SLC25A44: variants seen among roughly 807,000 people sequenced by gnomAD.
The protein encoded by SLC25A44 is solute carrier family 25, member 44.
Under a neutral mutation model 29.9 loss-of-function variants are expected in SLC25A44, and 17 were observed. The ratio of observed to expected loss-of-function variants is 0.57; its 90% CI spans 0.39 to 0.85. The LOEUF (loss-of-function observed/expected upper bound fraction) is 0.85. Ranked by LOEUF, SLC25A44 falls within the 40% of genes least tolerant of loss-of-function variation. The pLI is 0.00. For synonymous variants in SLC25A44, 140 were observed against 151.8 expected, an observed-to-expected ratio of 0.92 and a Z score of 0.57; for missense variants, 302 against 398.4, an observed-to-expected ratio of 0.76 and a Z score of 2.06.
At chr1:156,203,838 G>A (rs1656746515) in intron 2 of SLC25A44, among the ~76,000 whole-genome samples, 1 of 151,404 alleles carries the variant, frequency 6.6e-6, no homozygotes, top group African/African-American at 2.4e-5. Flanking sequence ...CGAGTAGCTG[G>A]GACTACAGGT....
In SLC25A44 at chr1:156,194,233, C is replaced by T. The variant is rs1656069982; in HGVS notation, c.-28C>T. ...GTTCGCCTCAGACGCGGTGGAGCCGCCGGAGTCTGAGAAGGTAAGAAGCCG... is the reference window on the plus strand; with the variant it reads ...GTTCGCCTCAGACGCGGTGGAGCCGTCGGAGTCTGAGAAGGTAAGAAGCCG... On this transcript the variant is annotated 5_prime_UTR_variant, in exon 1 of 4. Coordinates refer to ENST00000359511, the MANE Select transcript of SLC25A44 (RefSeq NM_014655.4). 1 of 152,756 alleles carries T rather than the reference C, an allele frequency of 6.5e-6. No homozygotes were observed. The highest frequency in any genetic ancestry group is 2.4e-5 in the African/African-American group (1 of 41,428). 9.5% of individuals were successfully genotyped at this position (152,756 alleles called of 1,614,324 possible).
intron 2 of SLC25A44, among the ~76,000 whole-genome samples, chr1:156,201,849 C>T (rs1225642486): frequency 6.6e-6 from 1 of 152,126 alleles, no homozygotes; most frequent in Non-Finnish European, 1.5e-5. Context: ...TGTCTTTAGC[C>T]TTCTCTCCTC....
At chr1:156,202,403 C>T (rs1289604698) in intron 2 of SLC25A44, among the ~76,000 whole-genome samples, 2 of 152,224 alleles carry the variant, frequency 1.3e-5, no homozygotes, top group Non-Finnish European at 2.9e-5. Flanking sequence ...TGGCTTCAGT[C>T]TCCCTTCACA....
intron 2 of SLC25A44, among the ~76,000 whole-genome samples, chr1:156,201,185 G>A (rs1261891335): frequency 6.6e-6 from 1 of 152,098 alleles, no homozygotes; most frequent in Admixed American, 6.6e-5. Context: ...CTCCTGTAAT[G>A]TATCTTTGTT....
intron 1 of SLC25A44, chr1:156,199,521 G>A: frequency 2.8e-6 from 1 of 352,000 alleles, no homozygotes; most frequent in East Asian, 6.0e-5. Context: ...CCGGATAGAA[G>A]ATCCTGTAAG....
At chr1:156,207,120 T>G (rs1656988537) in intron 2 of SLC25A44, among the ~76,000 whole-genome samples, 2 of 152,236 alleles carry the variant, frequency 1.3e-5, no homozygotes, top group South Asian at 4.1e-4. Context: ...GGAGAATTGC[T>G]TGAGTCCAGG....
In SLC25A44 at chr1:156,200,289, C is replaced by T. The variant is rs755436988; in HGVS notation, c.442C>T (p.Arg148Cys). 6.2e-6 allele frequency: 10 copies of T among 1,614,186 alleles called. No individual in the cohort carries two copies. Among genetic ancestry groups the T allele is most frequent in the South Asian group, 2.2e-5 (2 of 91,080 alleles). Residue 148 changes from arginine to cysteine, a missense_variant, in exon 2 of 4, where the codon CGC (arginine) becomes TGC (cysteine). Arg to Cys is a radical substitution (Grantham distance 180, BLOSUM62 -3). Coordinates refer to ENST00000359511, the MANE Select transcript of SLC25A44 (RefSeq NM_014655.4). ...GCAACGCAAGGGTGAGAAAATGGGC[C>T]GCTTTCAGGTGCGGGGGAACCCAGA... The part of the protein sequence containing the change: ...MMQRKGEKMG[R>C]FQVRGNPEGQ...
chr1:156,199,636 A>G (rs1001006903), intron 1 of SLC25A44, 199 bp from the exon 2 acceptor site: 15 of 567,972 alleles, frequency 2.6e-5, no homozygotes, highest in African/African-American at 2.4e-4. Flanking sequence ...CCAAGGACCA[A>G]GAAGGGGACA....
At chr1:156,208,496 G>A (rs1188039178) in intron 3 of SLC25A44, among the ~76,000 whole-genome samples, 3 of 151,884 alleles carry the variant, frequency 2.0e-5, no homozygotes, top group Admixed American at 6.6e-5. Flanking sequence ...AAAGAAGCCC[G>A]CCCAGCACTT....
intron 1 of SLC25A44, among the ~76,000 whole-genome samples, chr1:156,195,481 C>G (rs547455442): frequency 1.3e-5 from 2 of 152,326 alleles, no homozygotes; most frequent in East Asian, 3.9e-4. Flanking sequence ...GCTCATCCTC[C>G]GTCCCCCGCA....
At chr1:156,206,212 T>C (rs1656919313) in intron 2 of SLC25A44, among the ~76,000 whole-genome samples, 1 of 151,874 alleles carries the variant, frequency 6.6e-6, no homozygotes, top group Non-Finnish European at 1.5e-5. Flanking sequence ...AGACAGTCAG[T>C]GTCACTAGTT....
chr1:156,204,870 A>G (rs780088870), intron 2 of SLC25A44, among the ~76,000 whole-genome samples: 4 of 152,034 alleles, frequency 2.6e-5, no homozygotes, highest in Admixed American at 6.6e-5. Context: ...TTCTGTTTGT[A>G]TGCTGATTCT....
At chr1:156,209,439 T>A (rs1657155871) in intron 3 of SLC25A44, among the ~76,000 whole-genome samples, 1 of 152,092 alleles carries the variant, frequency 6.6e-6, no homozygotes, top group Non-Finnish European at 1.5e-5. Flanking sequence ...GCGGGGGATG[T>A]TCTTAGCCAT....
At chr1:156,203,699 C>CTTTTTTTTTT (rs56890643) in intron 2 of SLC25A44, among the ~76,000 whole-genome samples, 4 of 106,782 alleles carry the variant, frequency 3.7e-5, no homozygotes, top group African/African-American at 8.2e-5. Context: ...ATTCTCTTTC[C>CTTTTTTTTTT]TTTTTTTTTT....
intron 3 of SLC25A44, among the ~76,000 whole-genome samples, chr1:156,209,424 C>T (rs1480643916): frequency 6.6e-6 from 1 of 151,936 alleles, no homozygotes; most frequent in African/African-American, 2.4e-5. Flanking sequence ...GGAGGTAGGG[C>T]GGAAGCGGGG....
chr1:156,209,424 C>A (rs1480643916), intron 3 of SLC25A44, among the ~76,000 whole-genome samples: 1 of 151,936 alleles, frequency 6.6e-6, no homozygotes, highest in African/African-American at 2.4e-5. Context: ...GGAGGTAGGG[C>A]GGAAGCGGGG....
chr1:156,204,875 G>T (rs1429030170), intron 2 of SLC25A44, among the ~76,000 whole-genome samples: 4 of 152,112 alleles, frequency 2.6e-5, no homozygotes. Context: ...TTTGTATGCT[G>T]ATTCTGGGGA....
intron 2 of SLC25A44, among the ~76,000 whole-genome samples, chr1:156,206,265 G>C (rs1656926225): frequency 6.9e-6 from 1 of 144,230 alleles, no homozygotes; most frequent in Non-Finnish European, 1.5e-5. Context: ...TTGAGATGGA[G>C]TCTTGCTCTG....
intron 1 of SLC25A44, among the ~76,000 whole-genome samples, chr1:156,195,253 A>C (rs1380371511): frequency 6.6e-6 from 1 of 151,822 alleles, no homozygotes; most frequent in Non-Finnish European, 1.5e-5. Flanking sequence ...ACAGGCGCCC[A>C]CCACCACGCC....
Sources: allele counts gnomAD v4.1 joint callset (sites outside exome capture counted in the v4.1 genomes callset), GRCh38; gene constraint gnomAD v4.1.1; transcripts MANE v1.5; gene names NCBI Gene and HGNC (gene_info 2026-07-23, HGNC 2026-07-21).